Variants in GPHN observed in about 807,000 individuals in gnomAD.
The protein encoded by GPHN is gephyrin.
A neutral mutation model predicts 95.5 loss-of-function variants in GPHN; 17 were observed. The ratio of observed to expected loss-of-function variants is 0.18; its 90% CI spans 0.12 to 0.27. The LOEUF is 0.27. Ranked by LOEUF, GPHN falls within the 10% of genes least tolerant of loss-of-function variation. GPHN has a pLI of 1.00. For missense variants in GPHN, 660 were observed against 978.1 expected (o/e 0.67, Z 4.34); for synonymous variants, 320 against 322.5 (o/e 0.99, Z 0.08).
chr14:66,691,074 G>A (rs1305122785), intron 2 of GPHN, among the ~76,000 whole-genome samples: 1 of 152,146 alleles, frequency 6.6e-6, no homozygotes, highest in East Asian at 1.9e-4. Context: ...GGGTACAGTG[G>A]CTCACACCTA....
chr14:66,876,843 T>C (rs1346547786), intron 4 of GPHN, among the ~76,000 whole-genome samples: 3 of 152,176 alleles, frequency 2.0e-5, no homozygotes, highest in Non-Finnish European at 2.9e-5. Context: ...CCATTTGTTC[T>C]GAAACTATTC....
the GPHN span, chr14:67,199,425 C>A: frequency 6.2e-6 from 10 of 1,613,400 alleles, no homozygotes; most frequent in East Asian, 2.0e-4. Flanking sequence ...ACTTTCAGCG[C>A]CTTTGGGGTC....
chr14:66,616,996 A>G (rs1265400320), intron 1 of GPHN, among the ~76,000 whole-genome samples: 2 of 152,148 alleles, frequency 1.3e-5, no homozygotes, highest in African/African-American at 4.8e-5. Context: ...GTGAGCCACC[A>G]TCTGCGCCCG....
chr14:67,733,625 T>A, the GPHN span: 1 of 678,660 alleles, frequency 1.5e-6, no homozygotes, highest in Non-Finnish European at 2.7e-6. Context: ...ATAATTAGTT[T>A]CTTTGAGTCT....
At chr14:66,680,710 T>C (rs1255041516) in intron 1 of GPHN, among the ~76,000 whole-genome samples, 1 of 152,166 alleles carries the variant, frequency 6.6e-6, no homozygotes, top group East Asian at 1.9e-4. Context: ...CCTTTCTATT[T>C]CCCTTGCTCG....
chr14:66,960,756 AG>A (rs1769840870), intron 8 of GPHN, among the ~76,000 whole-genome samples: 1 of 152,046 alleles, frequency 6.6e-6, no homozygotes, highest in Non-Finnish European at 1.5e-5. Flanking sequence ...CACAAGTGAG[AG>A]AATAGAACCT....
chr14:67,077,322 T>C (rs934368111), intron 11 of GPHN, among the ~76,000 whole-genome samples: 1 of 152,182 alleles, frequency 6.6e-6, no homozygotes, highest in African/African-American at 2.4e-5. Context: ...TGTATGTTAA[T>C]GTAAGCATCC....
At chr14:67,415,121 A>G in the GPHN span, among the ~76,000 whole-genome samples, 4 of 152,260 alleles carry the variant, frequency 2.6e-5, no homozygotes, top group Non-Finnish European at 4.4e-5. Flanking sequence ...CTGAACATAA[A>G]AATACATTTG....
the GPHN span, among the ~76,000 whole-genome samples, chr14:67,673,639 T>A: frequency 1.3e-5 from 2 of 152,198 alleles, no homozygotes; most frequent in African/African-American, 2.4e-5. Flanking sequence ...TGACCTTGAG[T>A]AATTCGTTGA....
chr14:67,729,178 C>A, the GPHN span: 6 of 1,612,676 alleles, frequency 3.7e-6, no homozygotes, highest in Non-Finnish European at 5.1e-6. Flanking sequence ...TAATTGTGCC[C>A]TCTTTGTCCC....
At chr14:67,297,114 A>AAAT in the GPHN span, among the ~76,000 whole-genome samples, 1 of 152,254 alleles carries the variant, frequency 6.6e-6, no homozygotes, top group Non-Finnish European at 1.5e-5. Flanking sequence ...AAAAAAAGAA[A>AAAT]AATAATAATA....
intron 16 of GPHN, among the ~76,000 whole-genome samples, chr14:67,118,618 C>A (rs2078828662): frequency 6.6e-6 from 1 of 151,960 alleles, no homozygotes; most frequent in African/African-American, 2.4e-5. Flanking sequence ...ATCCCAGCTA[C>A]TCGGGAGGCT....
the GPHN span, among the ~76,000 whole-genome samples, chr14:67,348,040 GTA>G: frequency 6.6e-6 from 1 of 150,912 alleles, no homozygotes; most frequent in Non-Finnish European, 1.5e-5. Flanking sequence ...AGCCTCCTGA[GTA>G]GCTGGGACAA....
At chr14:67,111,717 G>T in intron 14 of GPHN, 144 bp from the exon 15 acceptor site, 1 of 664,498 alleles carries the variant, frequency 1.5e-6, no homozygotes, top group Non-Finnish European at 2.7e-6. Flanking sequence ...GAAATTCAGT[G>T]TTTTCAAAGG....
the GPHN span, among the ~76,000 whole-genome samples, chr14:67,505,752 G>A: frequency 6.6e-6 from 1 of 151,768 alleles, no homozygotes; most frequent in South Asian, 2.1e-4. Flanking sequence ...TGTTGCCCAG[G>A]CTGGTATGCA....
At chr14:66,585,482 G>T (rs975928512) in intron 1 of GPHN, among the ~76,000 whole-genome samples, 53 of 152,102 alleles carry the variant, frequency 3.5e-4, no homozygotes, top group African/African-American at 1.2e-3. Context: ...TGTGATGTTA[G>T]GGTGTCAATT....
the GPHN span, among the ~76,000 whole-genome samples, chr14:67,266,905 T>A: frequency 6.6e-6 from 1 of 151,698 alleles, no homozygotes. Flanking sequence ...AGCCTAGGAG[T>A]TCGACACCAG....
the GPHN span, chr14:67,690,381 C>T: frequency 4.3e-6 from 7 of 1,614,188 alleles, no homozygotes; most frequent in South Asian, 7.7e-5. Context: ...GGGCTGATTC[C>T]TTTAGTTTCT....
chr14:66,998,135 GCTT>G (rs1389245715), intron 9 of GPHN, among the ~76,000 whole-genome samples: 2 of 152,158 alleles, frequency 1.3e-5, no homozygotes, highest in African/African-American at 2.4e-5. Context: ...TGTGGAACTG[GCTT>G]CTTGGGGGCA....
Sources: gnomAD v4.1 joint callset for allele counts (sites outside exome capture counted in the v4.1 genomes callset) on GRCh38, gnomAD v4.1.1 for gene constraint, MANE v1.5 for transcripts, NCBI Gene and HGNC (gene_info 2026-07-23, HGNC 2026-07-21) for gene names.